Variants in NCOA2 observed in about 807,000 individuals in gnomAD.
NCOA2 encodes the protein nuclear receptor coactivator 2, also known as class E basic helix-loop-helix protein 75.
NCOA2 carries 21 observed loss-of-function variants against 145.1 expected under a neutral mutation model. The observed-to-expected ratio is 0.14, with a 90% CI of 0.10 to 0.21. NCOA2 has a LOEUF of 0.21. Among genes scored for constraint, NCOA2 ranks in the 10% least tolerant of loss-of-function variants. NCOA2 has a pLI of 1.00. For synonymous variants in NCOA2, 619 were observed against 637.5 expected (o/e 0.97, Z 0.44); for missense variants, 1,472 against 1,837.6 (o/e 0.80, Z 3.64).
intron 2 of NCOA2, among the ~76,000 whole-genome samples, chr8:70,223,219 TTTGAGTTTCA>T (rs1820318145): frequency 6.6e-6 from 1 of 152,218 alleles, no homozygotes; most frequent in Non-Finnish European, 1.5e-5. Context: ...AGCACTTGTG[TTTGAGTTTCA>T]TAACTTGTCC....
In NCOA2 at chr8:70,386,068, G is replaced by C. The variant is rs554451009; in HGVS notation, c.-77+17632C>G. On this transcript the variant is annotated intron_variant, in intron 1 of 22. Coordinates refer to ENST00000452400, the MANE Select transcript of NCOA2 (RefSeq NM_006540.4). ...TTGCCAGTAATCTCCACACTTCTCA[G>C]GTTACCAGGATTCCTTATGGGAAAG... 5.9e-5 allele frequency among the ~76,000 whole-genome samples: 9 copies of C among 152,252 alleles called. No individual in the cohort carries two copies. The South Asian group carries it at 1.9e-3, about 32-fold the overall frequency.
chr8:70,148,532 C>T, intron 11 of NCOA2, 49 bp from the exon 12 acceptor site: 5 of 1,557,334 alleles, frequency 3.2e-6, no homozygotes, highest in Non-Finnish European at 4.4e-6. Flanking sequence ...TAAGAGTAGA[C>T]ACCACAAGCC....
intron 4 of NCOA2, among the ~76,000 whole-genome samples, chr8:70,193,699 G>A (rs1259063854): frequency 1.3e-5 from 2 of 152,178 alleles, no homozygotes; most frequent in Admixed American, 6.6e-5. Context: ...CCCATCAGAT[G>A]TAACAAAATG....
intron 2 of NCOA2, among the ~76,000 whole-genome samples, chr8:70,260,355 T>C (rs936122276): frequency 6.6e-6 from 1 of 152,008 alleles, no homozygotes; most frequent in African/African-American, 2.4e-5. Context: ...CTAATCTCGA[T>C]CTCCTGGCCT....
At chr8:70,212,068 T>TATATATAC (rs1230540052) in intron 4 of NCOA2, among the ~76,000 whole-genome samples, 1 of 2,628 alleles carries the variant, frequency 3.8e-4, no homozygotes, top group African/African-American at 3.3e-3. Context: ...TTGTGGCGCA[T>TATATATAC]ATATATATAT....
chr8:70,374,346 C>T (rs907311278), intron 1 of NCOA2, among the ~76,000 whole-genome samples: 17 of 151,906 alleles, frequency 1.1e-4, no homozygotes, highest in African/African-American at 4.1e-4. Context: ...GTGGCACATG[C>T]CTGTAATCTC....
chr8:70,162,589 C>T, intron 9 of NCOA2, 122 bp downstream of exon 9: 1 of 990,434 alleles, frequency 1.0e-6, no homozygotes, highest in Non-Finnish European at 1.4e-6. Flanking sequence ...AACACTGGGG[C>T]CAGATGAGAC....
intron 4 of NCOA2, among the ~76,000 whole-genome samples, chr8:70,193,022 G>A (rs190576786): frequency 3.7e-4 from 50 of 136,754 alleles, no homozygotes; most frequent in African/African-American, 1.4e-3. Flanking sequence ...AGCCGAGATT[G>A]CACCACTGCA....
intron 2 of NCOA2, among the ~76,000 whole-genome samples, chr8:70,268,264 GT>G (rs1429332114): frequency 6.6e-6 from 1 of 152,058 alleles, no homozygotes; most frequent in Non-Finnish European, 1.5e-5. Flanking sequence ...TTATCTCTCT[GT>G]TTCAGCTACT....
chr8:70,222,040 C>G (rs531217821), intron 2 of NCOA2, among the ~76,000 whole-genome samples: 15 of 152,106 alleles, frequency 9.9e-5, no homozygotes, highest in East Asian at 9.7e-4. Context: ...GGTTTTCATA[C>G]AGTAAAATTT....
intron 6 of NCOA2, among the ~76,000 whole-genome samples, chr8:70,168,900 A>G (rs1813924091): frequency 6.6e-6 from 1 of 152,234 alleles, no homozygotes; most frequent in Non-Finnish European, 1.5e-5. Context: ...AATATAATAA[A>G]GGAATCCTAC....
intron 1 of NCOA2, among the ~76,000 whole-genome samples, chr8:70,377,402 TA>T (rs1165897304): frequency 5.3e-5 from 8 of 152,088 alleles, no homozygotes; most frequent in Non-Finnish European, 1.2e-4. Flanking sequence ...ATTTAATAAA[TA>T]AAAATTTAGT....
At chr8:70,249,011 AC>A (rs1234415538) in intron 2 of NCOA2, among the ~76,000 whole-genome samples, 2 of 151,552 alleles carry the variant, frequency 1.3e-5, no homozygotes, top group African/African-American at 4.9e-5. Context: ...AAGATTCTCC[AC>A]CCCCCGGATG....
rs1585902071 is a variant in NCOA2 at position 70,161,940 on chromosome 8, A to C, written c.976+771T>G. On this transcript the variant is annotated intron_variant, in intron 9 of 22. Coordinates refer to ENST00000452400, the MANE Select transcript of NCOA2 (RefSeq NM_006540.4). ...CAGAAAACAACAATGCACTTGAGAA[A>C]AAGTGATTCTTTGGGAAGACCTTCG... Among the ~76,000 whole-genome samples the C allele has an allele frequency of 1.3e-5, 2 of 152,292 alleles. 1 individual carries two copies. The highest frequency in any genetic ancestry group is 4.1e-4 in the South Asian group (2 of 4,822).
rs4256625 is a variant in NCOA2 at position 70,183,329 on chromosome 8, T to C, written c.260-8470A>G. On this transcript the variant is annotated intron_variant, in intron 4 of 22. Coordinates refer to ENST00000452400, the MANE Select transcript of NCOA2 (RefSeq NM_006540.4). ...AAGACCAAATTATAAAAAAGTTCTA[T>C]TTCTTCCAAATATGAATGTCAACTC... 7.4e-4 allele frequency among the ~76,000 whole-genome samples: 113 copies of C among 152,328 alleles called. No individual in the cohort carries two copies. In the Middle Eastern group the frequency reaches 0.024, roughly 32 times the overall value.
chr8:70,165,749 C>G (rs1334520924), intron 7 of NCOA2, among the ~76,000 whole-genome samples: 1 of 152,168 alleles, frequency 6.6e-6, no homozygotes, highest in Non-Finnish European at 1.5e-5. Context: ...GCCCAGCATC[C>G]ATGGATAGGC....
chr8:70,136,051 C>T (rs1422122354), intron 15 of NCOA2, among the ~76,000 whole-genome samples: 1 of 152,170 alleles, frequency 6.6e-6, no homozygotes, highest in Non-Finnish European at 1.5e-5. Flanking sequence ...CTTAGAGATA[C>T]ATTTCAAACA....
At chr8:70,140,303 C>T (rs1810245656) in intron 14 of NCOA2, among the ~76,000 whole-genome samples, 1 of 152,140 alleles carries the variant, frequency 6.6e-6, no homozygotes. Flanking sequence ...CCTAGGTAAC[C>T]ACTACTTTAC....
chr8:70,443,694 T>C, the NCOA2 span, among the ~76,000 whole-genome samples: 7 of 152,030 alleles, frequency 4.6e-5, no homozygotes, highest in Non-Finnish European at 7.4e-5. Flanking sequence ...GCCTCCTGAG[T>C]AGCTGGGACT....
Sources: gnomAD v4.1 joint callset for allele counts (sites outside exome capture counted in the v4.1 genomes callset) on GRCh38, gnomAD v4.1.1 for gene constraint, MANE v1.5 for transcripts, NCBI Gene and HGNC (gene_info 2026-07-23, HGNC 2026-07-21) for gene names.